The following OXCT1 variants were observed in gnomAD, a reference collection of about 807,000 sequenced individuals.
OXCT1 encodes the protein succinyl-CoA:3-ketoacid coenzyme A transferase 1, mitochondrial.
OXCT1 carries 27 observed loss-of-function variants against 69.6 expected under a neutral mutation model. That is an observed-to-expected ratio of 0.39 (90% CI 0.29 to 0.54). OXCT1 has a LOEUF of 0.54. Ranked by LOEUF, OXCT1 falls within the 20% of genes least tolerant of loss-of-function variation. The pLI is 0.72. For synonymous variants in OXCT1, 202 were observed against 217.8 expected (o/e 0.93, Z 0.64); for missense variants, 437 against 650.2 (o/e 0.67, Z 3.57).
chr5:41,768,876 G>A (rs1744744204), intron 13 of OXCT1, among the ~76,000 whole-genome samples: 2 of 152,104 alleles, frequency 1.3e-5, no homozygotes, highest in Admixed American at 1.3e-4. Context: ...ACCTCAGCCT[G>A]GCATTCAAGG....
chr5:41,869,979 CGCCA>C, intron 1 of OXCT1: 7 of 439,024 alleles, frequency 1.6e-5, no homozygotes, highest in South Asian at 6.4e-5. Flanking sequence ...AGCCGACGAG[CGCCA>C]AAGGGCTCGG....
intron 3 of OXCT1, among the ~76,000 whole-genome samples, chr5:41,857,321 G>A (rs979813118): frequency 6.6e-6 from 1 of 152,172 alleles, no homozygotes; most frequent in African/African-American, 2.4e-5. Flanking sequence ...TCTCCGGAGT[G>A]GCCTGCAAGG....
chr5:41,841,696 T>C (rs1462355430), intron 6 of OXCT1, among the ~76,000 whole-genome samples: 6 of 152,196 alleles, frequency 3.9e-5, no homozygotes, highest in Non-Finnish European at 7.3e-5. Context: ...ACAATTTTGT[T>C]AATCTTTTTT....
At chr5:41,838,337 T>C (rs1748469159) in intron 7 of OXCT1, among the ~76,000 whole-genome samples, 1 of 152,156 alleles carries the variant, frequency 6.6e-6, no homozygotes. Flanking sequence ...AGAGCACAGT[T>C]CTTACAATTC....
chr5:41,862,720 G>T lies in OXCT1; in HGVS notation c.109C>A (p.His37Asn). 1 of 1,611,140 alleles carries T rather than the reference G, an allele frequency of 6.2e-7. No homozygotes were observed. The highest frequency in any genetic ancestry group is 1.1e-5 in the South Asian group (1 of 90,990). The change falls in exon 2 of 17, where the codon CAT becomes AAT. Residue 37 changes from histidine (H) to asparagine (N), a missense_variant. By Grantham distance (68) the His-to-Asn change is moderately conservative. Coordinates refer to ENST00000196371, the MANE Select transcript of OXCT1 (RefSeq NM_000436.4). Reference protein sequence around the residue: ...GCVCSFSTSAHRHTKFYTDPV... With the variant: ...GCVCSFSTSANRHTKFYTDPV... ...TCTGTATAAAACTTGGTATGGCGAT[G>T]AGCACTGGTGGAAAAGGAACAAACA...
chr5:41,856,862 C>T (rs962353243), intron 3 of OXCT1, among the ~76,000 whole-genome samples: 1 of 152,148 alleles, frequency 6.6e-6, no homozygotes, highest in Non-Finnish European at 1.5e-5. Flanking sequence ...CTAAGGATTC[C>T]GTTGTTCAAG....
chr5:41,781,198 C>T (rs949539292), intron 13 of OXCT1, among the ~76,000 whole-genome samples: 3 of 152,008 alleles, frequency 2.0e-5, no homozygotes, highest in Non-Finnish European at 2.9e-5. Flanking sequence ...CCACCAAGGC[C>T]GGCTTACTGT....
intron 15 of OXCT1, among the ~76,000 whole-genome samples, chr5:41,741,094 G>A (rs535725807): frequency 1.4e-4 from 22 of 152,098 alleles, no homozygotes; most frequent in African/African-American, 5.1e-4. Context: ...GGGATTACAG[G>A]CATGCCCCAC....
intron 8 of OXCT1, 56 bp downstream of exon 8, chr5:41,807,275 T>C (rs1048190233): frequency 1.1e-6 from 1 of 938,816 alleles, no homozygotes; most frequent in Non-Finnish European, 1.8e-6. Context: ...GCCCCAGGGA[T>C]GCACTATCTC....
At chr5:41,861,235 C>T in intron 3 of OXCT1, 79 bp downstream of exon 3, 1 of 969,756 alleles carries the variant, frequency 1.0e-6, no homozygotes, top group Non-Finnish European at 1.7e-6. Context: ...GAGAAAACTT[C>T]ATTTCATTGA....
intron 13 of OXCT1, among the ~76,000 whole-genome samples, chr5:41,766,672 A>G (rs1357934963): frequency 2.0e-5 from 3 of 152,042 alleles, no homozygotes; most frequent in African/African-American, 7.2e-5. Context: ...ATGCATTTGA[A>G]TGGTTCTGTG....
chr5:41,794,919 G>GC (rs1746105025), intron 11 of OXCT1, among the ~76,000 whole-genome samples, 170 bp from the exon 12 acceptor site: 1 of 152,182 alleles, frequency 6.6e-6, no homozygotes. Context: ...GTGGTGGAAA[G>GC]CATTTTGTCA....
At chr5:41,864,573 G>T (rs1039387742) in intron 1 of OXCT1, among the ~76,000 whole-genome samples, 12 of 152,160 alleles carry the variant, frequency 7.9e-5, no homozygotes, top group Non-Finnish European at 1.6e-4. Flanking sequence ...GTAAGATAAA[G>T]TTGAGGATAT....
At chr5:41,763,073 A>G (rs1744424052) in intron 13 of OXCT1, among the ~76,000 whole-genome samples, 1 of 152,122 alleles carries the variant, frequency 6.6e-6, no homozygotes, top group African/African-American at 2.4e-5. Flanking sequence ...ATTTGCCAGT[A>G]AAGTCTTAGA....
chr5:41,779,156 C>T (rs1172366097), intron 13 of OXCT1, among the ~76,000 whole-genome samples: 3 of 152,100 alleles, frequency 2.0e-5, no homozygotes, highest in East Asian at 1.9e-4. Flanking sequence ...TCTCAAATAT[C>T]GATTTTTTTC....
At chr5:41,856,643 C>T (rs1749442666) in intron 3 of OXCT1, among the ~76,000 whole-genome samples, 1 of 152,182 alleles carries the variant, frequency 6.6e-6, no homozygotes, top group South Asian at 2.1e-4. Flanking sequence ...TCCTACTCAA[C>T]GTGTTTTGCA....
At chr5:41,840,569 T>G in intron 6 of OXCT1, 58 bp from the exon 7 acceptor site, 5 of 1,029,726 alleles carry the variant, frequency 4.9e-6, no homozygotes, top group Non-Finnish European at 6.1e-6. Flanking sequence ...TAAGCATCTC[T>G]GTCACCTTTA....
At chr5:41,847,483 A>T (rs1177534339) in intron 5 of OXCT1, among the ~76,000 whole-genome samples, 1 of 152,170 alleles carries the variant, frequency 6.6e-6, no homozygotes, top group African/African-American at 2.4e-5. Context: ...ACCAAAAAAG[A>T]GAATTTTAGA....
At chr5:41,847,624 A>G (rs1428963364) in intron 5 of OXCT1, among the ~76,000 whole-genome samples, 1 of 151,872 alleles carries the variant, frequency 6.6e-6, no homozygotes, top group Non-Finnish European at 1.5e-5. Context: ...GGCTGGTTCA[A>G]TATACACAAA....
Sources: allele counts gnomAD v4.1 joint callset (sites outside exome capture counted in the v4.1 genomes callset), GRCh38; gene constraint gnomAD v4.1.1; transcripts MANE v1.5; gene names NCBI Gene and HGNC (gene_info 2026-07-23, HGNC 2026-07-21).